EHD4: variants seen among roughly 807,000 people sequenced by gnomAD.
EHD4 encodes EH domain-containing protein 4.
EHD4 carries 37 observed loss-of-function variants against 51.0 expected under a neutral mutation model. The ratio of observed to expected loss-of-function variants is 0.73; its 90% CI spans 0.56 to 0.95. EHD4 has a LOEUF of 0.95. Ranked by LOEUF, EHD4 falls within the 40% of genes least tolerant of loss-of-function variation. The pLI is 0.00. For missense variants in EHD4, 632 were observed against 733.1 expected (o/e 0.86, Z 1.59); for synonymous variants, 297 against 317.3 (o/e 0.94, Z 0.68).
chr15:41,961,336 G>A (rs536258647), intron 1 of EHD4, among the ~76,000 whole-genome samples: 18 of 152,324 alleles, frequency 1.2e-4, no homozygotes, highest in African/African-American at 3.4e-4. Context: ...AATCAAATCA[G>A]TTTCTTACAG....
At chr15:41,918,217 TACACACAC>T (rs10682608) in intron 4 of EHD4, among the ~76,000 whole-genome samples, 5 of 147,290 alleles carry the variant, frequency 3.4e-5, no homozygotes, top group African/African-American at 7.6e-5. Flanking sequence ...CAGGGAGCTT[TACACACAC>T]ACACACACAC....
At chr15:41,902,823 GTA>G (rs933577481) in intron 5 of EHD4, among the ~76,000 whole-genome samples, 1 of 123,048 alleles carries the variant, frequency 8.1e-6, no homozygotes, top group Non-Finnish European at 1.7e-5. Flanking sequence ...ATATATGTAT[GTA>G]TATATATACA....
At chr15:41,914,706 T>G (rs771687357) in intron 4 of EHD4, among the ~76,000 whole-genome samples, 1 of 152,048 alleles carries the variant, frequency 6.6e-6, no homozygotes, top group Non-Finnish European at 1.5e-5. Flanking sequence ...ATCTTCATGA[T>G]CCATTATATC....
At position 41,896,947 on chromosome 15, in the gene EHD4, T is replaced by C. The variant is rs1595526568; in HGVS notation, c.*3698A>G. ...CTAACTCTTCTCCCCCGGTTCAACC[T>C]GGATCCAGGGATCCACACTCTGCTC... On this transcript the variant is annotated 3_prime_UTR_variant, in exon 6 of 6. Transcript: ENST00000220325. 2 of 152,140 alleles carry C rather than the reference T, an allele frequency of 1.3e-5. 1 individual carries two copies. Among genetic ancestry groups the C allele is most frequent in the South Asian group, 4.2e-4 (2 of 4,814 alleles). 9.4% of individuals were successfully genotyped at this position (152,140 alleles called of 1,614,324 possible). A position where few individuals can be genotyped will look rare whatever the true frequency, so the allele number is the denominator to read the frequency against.
At chr15:41,952,988 T>C (rs1238191334) in intron 2 of EHD4, among the ~76,000 whole-genome samples, 4 of 91,616 alleles carry the variant, frequency 4.4e-5, no homozygotes, top group African/African-American at 8.8e-5. Context: ...AGACTCTATC[T>C]TCCCCCCCGC....
intron 1 of EHD4, among the ~76,000 whole-genome samples, chr15:41,959,863 G>C (rs765899267): frequency 1.3e-5 from 2 of 151,820 alleles, no homozygotes; most frequent in East Asian, 3.9e-4. Context: ...CCAGCTACTC[G>C]GGAGGATGAG....
chr15:41,940,071 G>C (rs915169515), intron 3 of EHD4, among the ~76,000 whole-genome samples: 8 of 151,976 alleles, frequency 5.3e-5, no homozygotes, highest in African/African-American at 1.9e-4. Flanking sequence ...CTCGTGCCTC[G>C]GCCTCCCAAA....
At chr15:41,947,507 T>G (rs1034372642) in intron 2 of EHD4, among the ~76,000 whole-genome samples, 2 of 152,198 alleles carry the variant, frequency 1.3e-5, no homozygotes, top group Admixed American at 6.5e-5. Context: ...TGTTTCAAAG[T>G]ACTTCTTTTC....
chr15:41,962,984 T>C lies in EHD4; in HGVS notation c.237-9044A>G, dbSNP rs182513176. 6.7e-3 allele frequency among the ~76,000 whole-genome samples: 1,015 copies of C among 152,356 alleles called. 9 individuals are homozygous for C. The highest frequency in any genetic ancestry group is 0.019 in the African/African-American group (807 of 41,580). On this transcript the variant is annotated intron_variant, in intron 1 of 5. Coordinates refer to ENST00000220325, the MANE Select transcript of EHD4 (RefSeq NM_139265.4). ...TCTGCCTTGGGATGCTGTTAATCTA[T>C]GACTTTACCCCCAACCCCGTGCTCT... is the stretch of plus-strand genomic sequence containing the variant.
intron 1 of EHD4, among the ~76,000 whole-genome samples, chr15:41,958,911 T>C (rs2067905712): frequency 6.6e-6 from 1 of 152,178 alleles, no homozygotes; most frequent in African/African-American, 2.4e-5. Flanking sequence ...CTTACTAGTC[T>C]TATGAGGACA....
intron 5 of EHD4, among the ~76,000 whole-genome samples, chr15:41,904,901 C>T (rs1032661703): frequency 6.6e-5 from 10 of 152,272 alleles, no homozygotes; most frequent in African/African-American, 2.2e-4. Context: ...GTTGCAGGGC[C>T]TGTCCCAGCT....
chr15:41,901,822 A>C (rs763010881), intron 5 of EHD4, among the ~76,000 whole-genome samples: 4 of 152,238 alleles, frequency 2.6e-5, no homozygotes, highest in Non-Finnish European at 4.4e-5. Flanking sequence ...CCGTAGGACC[A>C]GCCCCACCAA....
chr15:41,926,727 T>G (rs1197422320), intron 3 of EHD4, among the ~76,000 whole-genome samples: 1 of 152,238 alleles, frequency 6.6e-6, no homozygotes, highest in African/African-American at 2.4e-5. Context: ...ATTCTCAACC[T>G]TTGCTCAGTC....
intron 1 of EHD4, among the ~76,000 whole-genome samples, chr15:41,955,028 G>A (rs1292407874): frequency 3.9e-5 from 6 of 152,150 alleles, no homozygotes; most frequent in African/African-American, 1.4e-4. Context: ...CTACGTTTCT[G>A]TGAAGTTGTG....
intron 2 of EHD4, among the ~76,000 whole-genome samples, chr15:41,949,708 G>A (rs1371209783): frequency 6.6e-6 from 1 of 152,128 alleles, no homozygotes; most frequent in Non-Finnish European, 1.5e-5. Flanking sequence ...AATTTCTTCT[G>A]TGGAAGATAA....
At chr15:41,922,963 T>C (rs968765978) in intron 3 of EHD4, among the ~76,000 whole-genome samples, 23 of 152,174 alleles carry the variant, frequency 1.5e-4, no homozygotes, top group African/African-American at 5.5e-4. Flanking sequence ...AATCACCGTG[T>C]CCAAAAGAGA....
intron 5 of EHD4, among the ~76,000 whole-genome samples, chr15:41,904,265 A>G (rs1792097228): frequency 6.6e-6 from 1 of 152,066 alleles, no homozygotes; most frequent in Non-Finnish European, 1.5e-5. Context: ...TGGCAGGGGG[A>G]GTGGCCGCAT....
intron 5 of EHD4, among the ~76,000 whole-genome samples, chr15:41,906,422 T>A (rs1468638196): frequency 1.3e-5 from 2 of 152,164 alleles, no homozygotes; most frequent in African/African-American, 2.4e-5. Context: ...CTGAGAGTTG[T>A]TTTGTTGCTC....
At chr15:41,959,395 CAAAAAAAAA>C (rs36120701) in intron 1 of EHD4, among the ~76,000 whole-genome samples, 4 of 66,410 alleles carry the variant, frequency 6.0e-5, no homozygotes, top group Non-Finnish European at 1.1e-4. Flanking sequence ...GACTTTGTCT[CAAAAAAAAA>C]AAAAAAAAAA....
Sources: allele counts gnomAD v4.1 joint callset (sites outside exome capture counted in the v4.1 genomes callset), GRCh38; gene constraint gnomAD v4.1.1; transcripts MANE v1.5; gene names NCBI Gene and HGNC (gene_info 2026-07-23, HGNC 2026-07-21).